Variants in YIPF4 observed in about 807,000 individuals in gnomAD.
YIPF4 encodes the protein Yip1 domain family member 4, also known as protein YIPF4.
In YIPF4, 18 loss-of-function variants were observed where a neutral mutation model predicts 29.4. That is an observed-to-expected ratio of 0.61 (90% CI 0.42 to 0.91). The LOEUF is 0.91. YIPF4 is among the 40% of genes least tolerant of loss of function. The pLI is 0.00. For missense variants in YIPF4, 279 were observed against 282.7 expected (o/e 0.99, Z 0.09); for synonymous variants, 115 against 104.7 (o/e 1.10, Z -0.60).
At chr2:32,285,805 G>A (rs573369071) in intron 1 of YIPF4, among the ~76,000 whole-genome samples, 113 of 152,016 alleles carry the variant, frequency 7.4e-4, no homozygotes, top group South Asian at 3.3e-3. Flanking sequence ...ACAGGTGCTC[G>A]CCACCGCACC....
chr2:32,307,082 G>T lies in YIPF4; in HGVS notation c.*1456G>T. The T allele has an allele frequency of 7.8e-7, 1 of 1,283,780 alleles. No individual in the cohort carries two copies. Among genetic ancestry groups the T allele is most frequent in the Non-Finnish European group, 1.0e-6 (1 of 980,680 alleles). 79.5% of individuals were successfully genotyped at this position (1,283,780 alleles called of 1,614,324 possible). A position where few individuals can be genotyped will look rare whatever the true frequency, so the allele number is the denominator to read the frequency against. ...GCTAGAATAATGTAGAAAATTACATGTACTGATTTTTTTAAAAACAGGTGA... is the reference window on the plus strand; with the variant it reads ...GCTAGAATAATGTAGAAAATTACATTTACTGATTTTTTTAAAAACAGGTGA... On this transcript the variant is annotated 3_prime_UTR_variant, in exon 6 of 6. Transcript: ENST00000238831.
At chr2:32,291,238 A>G (rs1348701672) in intron 2 of YIPF4, among the ~76,000 whole-genome samples, 1 of 152,230 alleles carries the variant, frequency 6.6e-6, no homozygotes, top group African/African-American at 2.4e-5. Flanking sequence ...TCTTCATGTT[A>G]ATACACCATA....
chr2:32,303,043 A>G (rs968981032), intron 5 of YIPF4, among the ~76,000 whole-genome samples: 1 of 152,102 alleles, frequency 6.6e-6, no homozygotes, highest in Non-Finnish European at 1.5e-5. Context: ...AAACTTAACT[A>G]TATTTTAGGG....
chr2:32,292,494 C>G, intron 3 of YIPF4, 146 bp downstream of exon 3: 1 of 599,230 alleles, frequency 1.7e-6, no homozygotes, highest in Non-Finnish European at 2.5e-6. Flanking sequence ...TAAAACCGTT[C>G]CATAATTAAA....
chr2:32,300,434 T>TA lies in YIPF4; in HGVS notation c.484-927dup, dbSNP rs78248257. On this transcript the variant is annotated intron_variant, in intron 4 of 5. Coordinates refer to ENST00000238831, the MANE Select transcript of YIPF4 (RefSeq NM_032312.4). ...GGGCGACAGAGGAGGACTCCGTCTT[T>TA]AAAAAAAAAAAAAAAAAAAAAGAGT... 9.0e-3 allele frequency among the ~76,000 whole-genome samples: 1,084 copies of TA among 120,594 alleles called. 11 individuals are homozygous for TA. The highest frequency in any genetic ancestry group is 0.02 in the East Asian group (87 of 4,334). 79.1% of individuals were successfully genotyped at this position (120,594 alleles called of 152,430 possible). A position where few individuals can be genotyped will look rare whatever the true frequency, so the allele number is the denominator to read the frequency against.
chr2:32,305,801 A>G lies in YIPF4; in HGVS notation c.*175A>G. The G allele has an allele frequency of 8.1e-7, 1 of 1,229,586 alleles. No individual in the cohort carries two copies. Among genetic ancestry groups the G allele is most frequent in the South Asian group, 3.6e-5 (1 of 27,792 alleles). 76.2% of individuals were successfully genotyped at this position (1,229,586 alleles called of 1,614,324 possible). On this transcript the variant is annotated 3_prime_UTR_variant, in exon 6 of 6. Transcript: ENST00000238831. ...TTTTTGTATTTAATTAAGCAATTGC[A>G]GTTATCTGGGATTTTTGGGTCAGAA...
At chr2:32,295,539 G>C (rs908277275) in intron 3 of YIPF4, among the ~76,000 whole-genome samples, 1 of 152,100 alleles carries the variant, frequency 6.6e-6, no homozygotes, top group Admixed American at 6.6e-5. Flanking sequence ...TTCTGGCTGC[G>C]TCACTATGAT....
chr2:32,297,224 A>T (rs2031226556), intron 3 of YIPF4, among the ~76,000 whole-genome samples: 1 of 151,858 alleles, frequency 6.6e-6, no homozygotes. Context: ...TCCCAGGTTC[A>T]AGCGATTCTC....
chr2:32,281,688 TA>T (rs2030420982), intron 1 of YIPF4, among the ~76,000 whole-genome samples: 2 of 151,900 alleles, frequency 1.3e-5, no homozygotes, highest in African/African-American at 4.8e-5. Context: ...GAGAGTTTGA[TA>T]CCAGCCTGGG....
Position 32,305,533 on chromosome 2 carries a change from A to T in YIPF4, c.642A>T (p.Leu214Phe). The T allele has an allele frequency of 5.6e-6, 9 of 1,610,958 alleles. No homozygotes were observed. Among genetic ancestry groups the T allele is most frequent in the Non-Finnish European group, 6.8e-6 (8 of 1,178,718 alleles). Residue 214 changes from leucine (L) to phenylalanine (F), a missense_variant, in exon 6 of 6, where the codon TTA (leucine) becomes TTT (phenylalanine). Coordinates refer to ENST00000238831, the MANE Select transcript of YIPF4 (RefSeq NM_032312.4). ...CTGCCTACAGTGCTGCTTCATTGTT[A>T]GTGGGTGAAGAATTCAAGACCAAAA... The part of the protein sequence containing the change: ...FWAAYSAASL[L>F]VGEEFKTKKP...
rs1195789382 is a variant in YIPF4, at chr2:32,309,979, C to G, written c.*4353C>G. 3 of 152,108 alleles carry G rather than the reference C, an allele frequency of 2.0e-5. No homozygotes were observed. The highest frequency in any genetic ancestry group is 4.8e-5 in the African/African-American group (2 of 41,408). 9.4% of individuals were successfully genotyped at this position (152,108 alleles called of 1,614,324 possible). A position where few individuals can be genotyped will look rare whatever the true frequency, so the allele number is the denominator to read the frequency against. ...TGCTGGGATTACAGGCTTAAGCCAC[C>G]GTGCCCGGCACTTTTGTTTTTAAAA... is the stretch of plus-strand genomic sequence containing the variant. On this transcript the variant is annotated 3_prime_UTR_variant, in exon 6 of 6. Coordinates refer to ENST00000238831, the MANE Select transcript of YIPF4 (RefSeq NM_032312.4).
In YIPF4 at chr2:32,310,890, AAG is replaced by A. The variant is rs1379862022; in HGVS notation, c.*5265_*5266del. The A allele has an allele frequency of 1.3e-5, 2 of 151,674 alleles. No individual in the cohort carries two copies. Among genetic ancestry groups the A allele is most frequent in the Non-Finnish European group, 2.9e-5 (2 of 67,942 alleles). 9.4% of individuals were successfully genotyped at this position (151,674 alleles called of 1,614,324 possible). On this transcript the variant is annotated 3_prime_UTR_variant, in exon 6 of 6. Coordinates refer to ENST00000238831, the MANE Select transcript of YIPF4 (RefSeq NM_032312.4). ...GACCCTGTCTCAGAAAAGAAAAAAA[AAG>A]TAAAAATTGCATGTAAGTTGACCCG...
chr2:32,281,834 G>T (rs2030429233), intron 1 of YIPF4, among the ~76,000 whole-genome samples: 1 of 149,370 alleles, frequency 6.7e-6, no homozygotes, highest in Non-Finnish European at 1.5e-5. Context: ...GGCAGAGGTT[G>T]CAGTGAGCCA....
At chr2:32,283,994 G>T (rs2030545169) in intron 1 of YIPF4, among the ~76,000 whole-genome samples, 1 of 151,956 alleles carries the variant, frequency 6.6e-6, no homozygotes, top group Non-Finnish European at 1.5e-5. Flanking sequence ...TGCTGGGATT[G>T]ATTACAGGCA....
chr2:32,278,066 G>C lies in YIPF4; in HGVS notation c.-90G>C. On this transcript the variant is annotated 5_prime_UTR_variant, in exon 1 of 6. Coordinates refer to ENST00000238831, the MANE Select transcript of YIPF4 (RefSeq NM_032312.4). ...TCGAGACTCGTAGGCCGCACCGTAGGGCGAGCGTGCGGGTCGCCGCCGCGG... is the reference window on the plus strand; with the variant it reads ...TCGAGACTCGTAGGCCGCACCGTAGCGCGAGCGTGCGGGTCGCCGCCGCGG... 2 of 1,164,126 alleles carry C rather than the reference G, an allele frequency of 1.7e-6. No individual in the cohort carries two copies. The highest frequency in any genetic ancestry group is 2.4e-6 in the Non-Finnish European group (2 of 834,594). The allele number at this position is 1,164,126 out of a possible 1,614,324, so 72.1% of individuals were successfully genotyped here. A position where few individuals can be genotyped will look rare whatever the true frequency, so the allele number is the denominator to read the frequency against.
At chr2:32,294,930 G>A (rs2031111362) in intron 3 of YIPF4, among the ~76,000 whole-genome samples, 2 of 152,312 alleles carry the variant, frequency 1.3e-5, no homozygotes, top group South Asian at 4.1e-4. Flanking sequence ...AGTCAGGCGT[G>A]GCGGCGTGCG....
At chr2:32,294,387 C>A (rs191980774) in intron 3 of YIPF4, among the ~76,000 whole-genome samples, 2 of 151,566 alleles carry the variant, frequency 1.3e-5, no homozygotes, top group Non-Finnish European at 2.9e-5. Flanking sequence ...ACCTCCCAGA[C>A]GTGGTCGCGG....
rs561238891 is a variant in YIPF4 at position 32,307,957 on chromosome 2, A to G, written c.*2331A>G. On this transcript the variant is annotated 3_prime_UTR_variant, in exon 6 of 6. Coordinates refer to ENST00000238831, the MANE Select transcript of YIPF4 (RefSeq NM_032312.4). Reference sequence around the variant, plus strand: ...AAAAAAAAAAAAAAAAAAAAAAACCATGATTTGTAGATGTGTGCAAGACAC... The same window carrying G: ...AAAAAAAAAAAAAAAAAAAAAAACCGTGATTTGTAGATGTGTGCAAGACAC... The G allele has an allele frequency of 3.4e-5, 5 of 145,726 alleles. No individual in the cohort carries two copies. Among genetic ancestry groups the G allele is most frequent in the East Asian group, 2.0e-4 (1 of 4,962 alleles). 9.0% of individuals were successfully genotyped at this position (145,726 alleles called of 1,614,324 possible). A position where few individuals can be genotyped will look rare whatever the true frequency, so the allele number is the denominator to read the frequency against.
In YIPF4 at chr2:32,305,751, T is replaced by C; in HGVS notation, c.*125T>C. Reference sequence around the variant, plus strand: ...TACATGTTCCAGATGGAAAGGGAAGTCTAAGCGCTTTTTAAAACAATTTTT... The same window carrying C: ...TACATGTTCCAGATGGAAAGGGAAGCCTAAGCGCTTTTTAAAACAATTTTT... On this transcript the variant is annotated 3_prime_UTR_variant, in exon 6 of 6. Coordinates refer to ENST00000238831, the MANE Select transcript of YIPF4 (RefSeq NM_032312.4). 2 of 1,265,434 alleles carry C rather than the reference T, an allele frequency of 1.6e-6. No homozygotes were observed. Among genetic ancestry groups the C allele is most frequent in the Non-Finnish European group, 2.0e-6 (2 of 1,005,376 alleles). The allele number at this position is 1,265,434 out of a possible 1,614,324, so 78.4% of individuals were successfully genotyped here.
Sources: gnomAD v4.1 joint callset for allele counts (sites outside exome capture counted in the v4.1 genomes callset) on GRCh38, gnomAD v4.1.1 for gene constraint, MANE v1.5 for transcripts, NCBI Gene and HGNC (gene_info 2026-07-23, HGNC 2026-07-21) for gene names.